ARHGAP24: variants seen among roughly 807,000 people sequenced by gnomAD.
ARHGAP24 encodes Rho GTPase activating protein 24.
In ARHGAP24, 50 loss-of-function variants were observed where a neutral mutation model predicts 76.4. That is an observed-to-expected ratio of 0.65 (90% confidence interval 0.52 to 0.83). ARHGAP24 has a LOEUF of 0.83. ARHGAP24 is among the 40% of genes least tolerant of loss of function. ARHGAP24 has a pLI of 0.00. For missense variants in ARHGAP24, 930 were observed against 914.2 expected (o/e 1.02, Z -0.22); for synonymous variants, 345 against 323.3 (o/e 1.07, Z -0.72).
intron 3 of ARHGAP24, among the ~76,000 whole-genome samples, chr4:85,885,168 A>G (rs1220668982): frequency 8.5e-5 from 13 of 152,084 alleles, no homozygotes; most frequent in Admixed American, 8.5e-4. Context: ...TTTGGTACAT[A>G]TTAGATTCAT....
chr4:85,867,347 G>A (rs1204481378), intron 3 of ARHGAP24, among the ~76,000 whole-genome samples: 1 of 152,042 alleles, frequency 6.6e-6, no homozygotes, highest in East Asian at 1.9e-4. Flanking sequence ...TTATTGTCAT[G>A]GATTCTAGTG....
intron 2 of ARHGAP24, among the ~76,000 whole-genome samples, chr4:85,701,026 A>C (rs1724065773): frequency 6.6e-6 from 1 of 152,154 alleles, no homozygotes; most frequent in African/African-American, 2.4e-5. Context: ...ATTGGAAGAA[A>C]TATTTCATTA....
At chr4:85,604,265 T>C (rs1363166641) in intron 2 of ARHGAP24, 1 of 152,252 alleles carries the variant, frequency 6.6e-6, no homozygotes, top group Non-Finnish European at 1.5e-5. Flanking sequence ...TCCTGCCTGC[T>C]GTAGAAATCT....
Position 85,667,259 on chromosome 4 carries a change from G to A in ARHGAP24, c.181-54626G>A, listed in dbSNP as rs146191705. On this transcript the variant is annotated intron_variant, in intron 2 of 9. Coordinates refer to ENST00000395184, the MANE Select transcript of ARHGAP24 (RefSeq NM_001025616.3). ...TTGCAGTTTGATCTCAAACTGCTGT[G>A]CTAGCAATCGGTGAGACTCCATGGG... Among the ~76,000 whole-genome samples the A allele has an allele frequency of 2.5e-4, 38 of 152,262 alleles. No homozygotes were observed. The East Asian group carries it at 7.4e-3, about 29-fold the overall frequency.
At chr4:85,564,913 G>T (rs1726764174) in intron 1 of ARHGAP24, among the ~76,000 whole-genome samples, 1 of 110,458 alleles carries the variant, frequency 9.1e-6, no homozygotes, top group Admixed American at 1.1e-4. Context: ...GCTCTAGGCA[G>T]AACACACACG....
intron 3 of ARHGAP24, among the ~76,000 whole-genome samples, chr4:85,895,677 C>T (rs7692989): frequency 0.33 from 50,416 of 151,874 alleles, 8,747 homozygotes; most frequent in South Asian, 0.43. Flanking sequence ...TTTCTGTACC[C>T]TTTTTGAAAT....
At chr4:85,586,158 C>A (rs988955199) in intron 2 of ARHGAP24, among the ~76,000 whole-genome samples, 1 of 151,978 alleles carries the variant, frequency 6.6e-6, no homozygotes, top group African/African-American at 2.4e-5. Context: ...TGCTCATATT[C>A]TTTTAGCCAA....
chr4:85,859,293 G>A (rs375976625), intron 3 of ARHGAP24, among the ~76,000 whole-genome samples: 34 of 151,114 alleles, frequency 2.2e-4, no homozygotes, highest in African/African-American at 7.8e-4. Context: ...GGTTTCATTC[G>A]CTACAGAATC....
intron 3 of ARHGAP24, among the ~76,000 whole-genome samples, chr4:85,750,627 CTGGGA>C (rs1231301908): frequency 6.6e-6 from 1 of 150,864 alleles, no homozygotes; most frequent in African/African-American, 2.4e-5. Context: ...TCCCGAGTAG[CTGGGA>C]TTACAGGTAC....
intron 5 of ARHGAP24, among the ~76,000 whole-genome samples, chr4:85,948,222 T>A (rs1271627274): frequency 6.6e-6 from 1 of 152,148 alleles, no homozygotes; most frequent in Admixed American, 6.5e-5. Flanking sequence ...ATAAAAACAA[T>A]GACTTATGTA....
chr4:85,557,071 T>G (rs1470004986), intron 1 of ARHGAP24, among the ~76,000 whole-genome samples: 1 of 152,130 alleles, frequency 6.6e-6, no homozygotes, highest in Non-Finnish European at 1.5e-5. Context: ...GAGGGTGGGT[T>G]GCAGAGAAAC....
intron 3 of ARHGAP24, among the ~76,000 whole-genome samples, chr4:85,733,059 A>ATTTTTTTTTTTTT (rs1560606971): frequency 8.4e-5 from 3 of 35,774 alleles, no homozygotes; most frequent in African/African-American, 2.1e-4. Context: ...GGCCTCACCA[A>ATTTTTTTTTTTTT]CTTTTTTTTT....
intron 1 of ARHGAP24, among the ~76,000 whole-genome samples, chr4:85,506,944 A>G (rs1209896711): frequency 6.6e-6 from 1 of 152,166 alleles, no homozygotes. Context: ...TAGGTAAAAC[A>G]CACATTTAGA....
At chr4:85,781,897 C>T (rs1727573873) in intron 3 of ARHGAP24, among the ~76,000 whole-genome samples, 1 of 151,752 alleles carries the variant, frequency 6.6e-6, no homozygotes, top group African/African-American at 2.4e-5. Context: ...ATTAGCCAGG[C>T]ACGGTGGCGC....
At chr4:85,570,786 G>C in intron 2 of ARHGAP24, 65 bp downstream of exon 2, 1 of 1,576,230 alleles carries the variant, frequency 6.3e-7, no homozygotes, top group South Asian at 1.1e-5. Flanking sequence ...GGATTTGCTA[G>C]AAACCGATTG....
At chr4:85,787,815 A>C (rs796171726) in intron 3 of ARHGAP24, among the ~76,000 whole-genome samples, 1 of 152,146 alleles carries the variant, frequency 6.6e-6, no homozygotes, top group East Asian at 1.9e-4. Flanking sequence ...AGCTGAGTAC[A>C]TGGGGGACAG....
chr4:85,986,121 T>C (rs1739976424), intron 8 of ARHGAP24, among the ~76,000 whole-genome samples: 1 of 152,188 alleles, frequency 6.6e-6, no homozygotes, highest in South Asian at 2.1e-4. Flanking sequence ...TTAAATACTG[T>C]CTTTTAAAAT....
At chr4:85,930,771 T>C (rs772524641) in intron 4 of ARHGAP24, 24 of 1,405,430 alleles carry the variant, frequency 1.7e-5, no homozygotes, top group Non-Finnish European at 2.1e-5. Flanking sequence ...GGTGGTAACT[T>C]ATCCCTAAGC....
At chr4:85,511,609 TGC>T (rs1560514642) in intron 1 of ARHGAP24, among the ~76,000 whole-genome samples, 1 of 152,050 alleles carries the variant, frequency 6.6e-6, no homozygotes, top group Non-Finnish European at 1.5e-5. Flanking sequence ...ATTACAGGCA[TGC>T]GCCACTATGC....
Sources: allele counts gnomAD v4.1 joint callset (sites outside exome capture counted in the v4.1 genomes callset), GRCh38; gene constraint gnomAD v4.1.1; transcripts MANE v1.5; gene names NCBI Gene and HGNC (gene_info 2026-07-23, HGNC 2026-07-21).